Variants in CHD6 observed in about 807,000 individuals in gnomAD.
CHD6 encodes chromodomain helicase DNA binding protein 6.
CHD6 carries 50 observed loss-of-function variants against 276.9 expected under a neutral mutation model. The ratio of observed to expected loss-of-function variants is 0.18; its 90% CI spans 0.14 to 0.23. CHD6 has a LOEUF of 0.23. CHD6 is among the 10% of genes least tolerant of loss of function. The probability of loss-of-function intolerance (pLI) is 1.00; values close to 1 mark genes in which losing one functional copy is unlikely to be tolerated. For synonymous variants in CHD6, 1,173 were observed against 1,229.3 expected, an observed-to-expected ratio of 0.95 and a Z score of 0.96; for missense variants, 2,564 against 3,365.8, an observed-to-expected ratio of 0.76 and a Z score of 5.89.
At chr20:41,565,978 C>G (rs1360588341) in intron 1 of CHD6, among the ~76,000 whole-genome samples, 1 of 152,120 alleles carries the variant, frequency 6.6e-6, no homozygotes, top group African/African-American at 2.4e-5. Context: ...GAGGGAAAAA[C>G]AGTCAACAGG....
intron 1 of CHD6, among the ~76,000 whole-genome samples, chr20:41,601,547 G>T (rs956239740): frequency 2.0e-5 from 3 of 152,220 alleles, no homozygotes; most frequent in African/African-American, 7.2e-5. Flanking sequence ...AAGATTATGG[G>T]ATCTGCCAGG....
chr20:41,616,949 T>C (rs756894579), intron 1 of CHD6, among the ~76,000 whole-genome samples: 1 of 152,006 alleles, frequency 6.6e-6, no homozygotes, highest in Non-Finnish European at 1.5e-5. Context: ...CAAAACCGAG[T>C]GGTCTGCCCC....
intron 16 of CHD6, among the ~76,000 whole-genome samples, chr20:41,478,212 G>A (rs1285469708): frequency 6.6e-6 from 1 of 152,102 alleles, no homozygotes; most frequent in Non-Finnish European, 1.5e-5. Flanking sequence ...CTTCTGGTTG[G>A]CTCCACAGTG....
chr20:41,417,165 G>C lies in CHD6; in HGVS notation c.6279+33C>G, dbSNP rs559805492. ...GCAATTCAAAGCTGGGAATGGTTTG[G>C]GGGTAGGGTGGGAAACGCAAGCTCT... On this transcript the variant is annotated intron_variant, in intron 32 of 36. Coordinates refer to ENST00000373233, the MANE Select transcript of CHD6 (RefSeq NM_032221.5). 196 of 1,588,700 alleles carry C rather than the reference G, an allele frequency of 1.2e-4. 1 individual carries two copies. The highest frequency in any genetic ancestry group is 1.5e-4 in the Non-Finnish European group (179 of 1,166,526).
intron 29 of CHD6, among the ~76,000 whole-genome samples, chr20:41,424,796 A>G (rs1287160979): frequency 6.6e-6 from 1 of 152,184 alleles, no homozygotes; most frequent in African/African-American, 2.4e-5. Flanking sequence ...AGGCTTGATA[A>G]GGATTTAGCT....
At chr20:41,612,172 A>G (rs1380268037) in intron 1 of CHD6, among the ~76,000 whole-genome samples, 7 of 152,192 alleles carry the variant, frequency 4.6e-5, no homozygotes, top group Non-Finnish European at 8.8e-5. Flanking sequence ...AAGCATCTAC[A>G]TGCTTCTTTT....
At position 41,407,845 on chromosome 20, in the gene CHD6, A is replaced by C. The variant is rs143897734; in HGVS notation, c.7252-2356T>G. Among the ~76,000 whole-genome samples the C allele has an allele frequency of 3.8e-3, 583 of 152,316 alleles. 5 individuals are homozygous for C. The highest frequency in any genetic ancestry group is 0.013 in the African/African-American group (540 of 41,562). On this transcript the variant is annotated intron_variant, in intron 36 of 36. Transcript: ENST00000373233. ...AGAAGAGTGCGAGACGCCACGAAGG[A>C]AGCACTGATCACGTGTCAGGCACTG...
chr20:41,466,179 G>C (rs1371529140), intron 17 of CHD6, among the ~76,000 whole-genome samples: 1 of 152,152 alleles, frequency 6.6e-6, no homozygotes, highest in Non-Finnish European at 1.5e-5. Context: ...TCCAGCCTGG[G>C]TAACACAGCA....
chr20:41,421,261 A>G lies in CHD6; in HGVS notation c.5374T>C (p.Cys1792Arg). ...TCAGGTCTCTGTCCTGCCTCACTGCAGCAGAGCTCCCCTTCCTTTGAAATA... is the reference window on the plus strand; with the variant it reads ...TCAGGTCTCTGTCCTGCCTCACTGCGGCAGAGCTCCCCTTCCTTTGAAATA... ...MSISKEGELC[C>R]SEAGQRPENI... Residue 1792 changes from cysteine to arginine, a missense_variant, in exon 31 of 37, where the codon TGC (cysteine) becomes CGC (arginine). Coordinates refer to ENST00000373233, the MANE Select transcript of CHD6 (RefSeq NM_032221.5). 1 of 1,614,112 alleles carries G rather than the reference A, an allele frequency of 6.2e-7. No homozygotes were observed. The highest frequency in any genetic ancestry group is 8.5e-7 in the Non-Finnish European group (1 of 1,180,044).
intron 1 of CHD6, among the ~76,000 whole-genome samples, chr20:41,612,111 CTG>C (rs1180937993): frequency 3.3e-5 from 5 of 152,180 alleles, no homozygotes; most frequent in East Asian, 3.8e-4. Context: ...CAATTATAAA[CTG>C]TTTTTATAAT....
intron 3 of CHD6, among the ~76,000 whole-genome samples, chr20:41,524,132 G>C (rs6102449): frequency 6.6e-6 from 1 of 152,068 alleles, no homozygotes; most frequent in Non-Finnish European, 1.5e-5. Flanking sequence ...CCTTCCTATA[G>C]GCTTTGATCT....
chr20:41,439,498 C>T (rs926552429), intron 26 of CHD6, among the ~76,000 whole-genome samples: 3 of 152,068 alleles, frequency 2.0e-5, no homozygotes, highest in Non-Finnish European at 4.4e-5. Flanking sequence ...TACTTTTTTG[C>T]ACACAGTCCA....
At chr20:41,460,847 G>A (rs1017532900) in intron 17 of CHD6, among the ~76,000 whole-genome samples, 8 of 152,186 alleles carry the variant, frequency 5.3e-5, no homozygotes, top group Non-Finnish European at 1.0e-4. Flanking sequence ...CCATCCTCCA[G>A]ACCCAGAACT....
Position 41,483,567 on chromosome 20 carries a change from A to G in CHD6, c.2258-48T>C. ...TATTCCTCGGACAGAATATAAGGAT[A>G]AAGGTTGTACTCTGCTTTACAGATC... On this transcript the variant is annotated intron_variant, in intron 15 of 36. Transcript: ENST00000373233. The G allele has an allele frequency of 2.9e-6, 4 of 1,389,286 alleles. No individual in the cohort carries two copies. The South Asian group carries it at 5.3e-5, about 18-fold the overall frequency. The allele number at this position is 1,389,286 out of a possible 1,614,324, so 86.1% of individuals were successfully genotyped here.
chr20:41,564,152 C>A, intron 1 of CHD6: 1 of 738,866 alleles, frequency 1.4e-6, no homozygotes, highest in Non-Finnish European at 2.5e-6. Flanking sequence ...GACACATGGG[C>A]TAAAAACAAA....
chr20:41,436,013 A>G (rs1177359287), intron 27 of CHD6, among the ~76,000 whole-genome samples: 1 of 152,142 alleles, frequency 6.6e-6, no homozygotes, highest in East Asian at 1.9e-4. Flanking sequence ...TGTAGAGACA[A>G]GGTCTCACCA....
chr20:41,438,288 C>T (rs2047781271), intron 26 of CHD6, among the ~76,000 whole-genome samples: 5 of 152,110 alleles, frequency 3.3e-5, no homozygotes. Flanking sequence ...TTTCATGATT[C>T]TTTTAAAAAC....
intron 1 of CHD6, among the ~76,000 whole-genome samples, chr20:41,597,450 G>A (rs372842308): frequency 7.2e-5 from 11 of 152,188 alleles, no homozygotes; most frequent in African/African-American, 2.2e-4. Context: ...GCCTCCTAGC[G>A]CAAACTCCAC....
intron 3 of CHD6, among the ~76,000 whole-genome samples, chr20:41,519,952 G>A (rs1234723262): frequency 2.0e-5 from 3 of 152,026 alleles, no homozygotes; most frequent in Admixed American, 6.6e-5. Flanking sequence ...TCCAGAATCA[G>A]CAACGAGCTC....
Sources: allele counts gnomAD v4.1 joint callset (sites outside exome capture counted in the v4.1 genomes callset), GRCh38; gene constraint gnomAD v4.1.1; transcripts MANE v1.5; gene names NCBI Gene and HGNC (gene_info 2026-07-23, HGNC 2026-07-21).